TPRG1: variants seen among roughly 807,000 people sequenced by gnomAD.
TPRG1 encodes the protein tumor protein p63-regulated gene 1 protein.
Under a neutral mutation model 29.3 loss-of-function variants are expected in TPRG1, and 29 were observed. The ratio of observed to expected loss-of-function variants is 0.99; its 90% CI spans 0.74 to 1.35. The LOEUF (loss-of-function observed/expected upper bound fraction) is 1.35. Ranked by LOEUF, TPRG1 falls within the 40% of genes most tolerant of loss-of-function variation. The probability of loss-of-function intolerance (pLI) is 0.00; values close to 1 mark genes in which losing one functional copy is unlikely to be tolerated. For synonymous variants in TPRG1, 130 were observed against 116.8 expected, an observed-to-expected ratio of 1.11 and a Z score of -0.73; for missense variants, 327 against 335.0, an observed-to-expected ratio of 0.98 and a Z score of 0.19.
At chr3:189,320,202 C>T (rs752848829) in intron 5 of TPRG1, among the ~76,000 whole-genome samples, 46 of 152,068 alleles carry the variant, frequency 3.0e-4, no homozygotes, top group Non-Finnish European at 2.6e-4. Context: ...TTGTTGTAGG[C>T]GCTTCATCAA....
upstream of TPRG1, among the ~76,000 whole-genome samples, chr3:189,169,349 G>A (rs545933420): frequency 6.6e-6 from 1 of 152,244 alleles, no homozygotes; most frequent in South Asian, 2.1e-4. Flanking sequence ...ATTTTTAGTA[G>A]AGACAGGGTT....
chr3:189,033,100 C>G (rs1714028840), intron 4 of TPRG1, among the ~76,000 whole-genome samples: 1 of 152,052 alleles, frequency 6.6e-6, no homozygotes, highest in Non-Finnish European at 1.5e-5. Context: ...TTTCAAAAAT[C>G]ACACATATCA....
chr3:189,135,688 A>G (rs780080449), intron 3 of TPRG1, among the ~76,000 whole-genome samples: 1 of 152,234 alleles, frequency 6.6e-6, no homozygotes, highest in Non-Finnish European at 1.5e-5. Context: ...AATATAGGAT[A>G]CATTTCTCCA....
intron 4 of TPRG1, among the ~76,000 whole-genome samples, chr3:189,085,447 A>ATGTGTGTGTGTGTGCG (rs760271078): frequency 0.01 from 1,249 of 121,918 alleles, 8 homozygotes; most frequent in African/African-American, 0.025. Context: ...GTGTGTGTGC[A>ATGTGTGTGTGTGTGCG]TGTGTGTGTG....
intron 4 of TPRG1, among the ~76,000 whole-genome samples, chr3:189,028,463 G>T (rs1470552002): frequency 6.6e-6 from 1 of 152,152 alleles, no homozygotes; most frequent in East Asian, 1.9e-4. Context: ...TGTGTTCCTT[G>T]GTAGTAAGTG....
chr3:189,240,928 A>G (rs1489905011), intron 4 of TPRG1, among the ~76,000 whole-genome samples: 3 of 152,218 alleles, frequency 2.0e-5, no homozygotes, highest in Non-Finnish European at 4.4e-5. Flanking sequence ...TTATATAATC[A>G]TCTATAGATC....
At chr3:189,302,163 G>A (rs1041573366) in intron 4 of TPRG1, among the ~76,000 whole-genome samples, 3 of 152,072 alleles carry the variant, frequency 2.0e-5, no homozygotes, top group African/African-American at 4.8e-5. Flanking sequence ...CAGCTAAAAG[G>A]CCCCATAGTT....
At chr3:189,114,376 G>A (rs1370494803) in intron 1 of TPRG1, among the ~76,000 whole-genome samples, 4 of 151,992 alleles carry the variant, frequency 2.6e-5, no homozygotes, top group African/African-American at 7.2e-5. Context: ...TCTGCCTCCC[G>A]GGTTCAAGCG....
At chr3:189,098,891 C>G (rs1384029739), upstream of TPRG1, among the ~76,000 whole-genome samples, 2 of 152,150 alleles carry the variant, frequency 1.3e-5, no homozygotes, top group African/African-American at 4.8e-5. Flanking sequence ...GTCCTGAACC[C>G]TTGTCACCCT....
At chr3:189,315,651 A>C in intron 5 of TPRG1, 2 of 339,644 alleles carry the variant, frequency 5.9e-6, no homozygotes, top group Non-Finnish European at 1.2e-5. Flanking sequence ...GATCATGTAA[A>C]TGAACCAATG....
chr3:189,207,066 G>A (rs987428191), intron 1 of TPRG1: 1 of 583,050 alleles, frequency 1.7e-6, no homozygotes, highest in Non-Finnish European at 2.2e-6. Context: ...ATTTTGAAGA[G>A]AAATTGTCTG....
chr3:189,312,079 A>ATGTTTGTT (rs1560688415), intron 5 of TPRG1, among the ~76,000 whole-genome samples: 1 of 122,060 alleles, frequency 8.2e-6, no homozygotes. Flanking sequence ...AGAACACTTT[A>ATGTTTGTT]TGTTTCTTTC....
At chr3:189,096,084 C>G (rs551905302), upstream of TPRG1, among the ~76,000 whole-genome samples, 1 of 152,212 alleles carries the variant, frequency 6.6e-6, no homozygotes, top group Non-Finnish European at 1.5e-5. Context: ...TTTTCATGTG[C>G]ACATTAATCT....
At chr3:189,119,430 G>T (rs1207891418) in intron 1 of TPRG1, among the ~76,000 whole-genome samples, 1 of 152,154 alleles carries the variant, frequency 6.6e-6, no homozygotes, top group African/African-American at 2.4e-5. Flanking sequence ...AGACTTTGGG[G>T]GACTGTTGGA....
chr3:189,191,149 T>A (rs114533641), intron 1 of TPRG1, among the ~76,000 whole-genome samples: 1 of 152,346 alleles, frequency 6.6e-6, no homozygotes, highest in East Asian at 1.9e-4. Flanking sequence ...TTTATTTTCA[T>A]ATGTGCACAT....
intron 4 of TPRG1, among the ~76,000 whole-genome samples, chr3:189,276,670 G>A (rs1716195908): frequency 6.6e-6 from 1 of 152,130 alleles, no homozygotes; most frequent in Non-Finnish European, 1.5e-5. Flanking sequence ...TAATCATAAA[G>A]TGTAAAAACA....
At chr3:189,195,591 G>A (rs1274270362) in intron 1 of TPRG1, among the ~76,000 whole-genome samples, 1 of 152,174 alleles carries the variant, frequency 6.6e-6, no homozygotes, top group Non-Finnish European at 1.5e-5. Context: ...TGGGCCACAG[G>A]GGGCAGGGCA....
At position 189,272,322 on chromosome 3, in the gene TPRG1, CA is replaced by C. The variant is rs373948197; in HGVS notation, c.479+33414del. ...ATGAAAAGAATTCTGGCCTTGTAAT[CA>C]GCAGAATTTTGTGCCAACTCTGCCA... On this transcript the variant is annotated intron_variant, in intron 4 of 5. Transcript: ENST00000345063. Among the ~76,000 whole-genome samples the C allele has an allele frequency of 1.4e-4, 22 of 152,272 alleles. No homozygotes were observed. The East Asian group carries it at 4.2e-3, about 29-fold the overall frequency.
At chr3:189,249,967 A>G (rs1408351283) in intron 4 of TPRG1, among the ~76,000 whole-genome samples, 1 of 152,178 alleles carries the variant, frequency 6.6e-6, no homozygotes, top group Non-Finnish European at 1.5e-5. Context: ...CTTCTAAAAG[A>G]TGAAAAATTT....
Sources: allele counts gnomAD v4.1 joint callset (sites outside exome capture counted in the v4.1 genomes callset), GRCh38; gene constraint gnomAD v4.1.1; transcripts MANE v1.5; gene names NCBI Gene and HGNC (gene_info 2026-07-23, HGNC 2026-07-21).